Variants in HIKESHI observed in about 807,000 individuals in gnomAD.
HIKESHI encodes heat shock protein nuclear import factor hikeshi.
A neutral mutation model predicts 25.7 loss-of-function variants in HIKESHI; 13 were observed. The observed-to-expected ratio is 0.51, with a 90% confidence interval of 0.33 to 0.80. The LOEUF is 0.80. Among genes scored for constraint, HIKESHI ranks in the 30% least tolerant of loss-of-function variants. The pLI is 0.02. For synonymous variants in HIKESHI, 76 were observed against 78.7 expected, an observed-to-expected ratio of 0.97 and a Z score of 0.18; for missense variants, 174 against 229.5, an observed-to-expected ratio of 0.76 and a Z score of 1.56.
At chr11:86,303,791 T>G (rs291243) in intron 1 of HIKESHI, among the ~76,000 whole-genome samples, 2 of 152,078 alleles carry the variant, frequency 1.3e-5, no homozygotes, top group East Asian at 3.9e-4. Context: ...TTATCTAAAC[T>G]TATGAACCCA....
chr11:86,315,711 G>C (rs551209864), intron 2 of HIKESHI, among the ~76,000 whole-genome samples: 2 of 152,186 alleles, frequency 1.3e-5, no homozygotes, highest in Non-Finnish European at 2.9e-5. Flanking sequence ...ACTACTTACC[G>C]GAGGTAGTTG....
intron 2 of HIKESHI, chr11:86,323,904 T>C (rs1187456666): frequency 6.6e-6 from 1 of 152,246 alleles, no homozygotes; most frequent in Non-Finnish European, 1.5e-5. Flanking sequence ...CCCAGAGTAA[T>C]ACTTGATCCA....
At chr11:86,317,190 A>G (rs1947009272) in intron 2 of HIKESHI, among the ~76,000 whole-genome samples, 1 of 152,212 alleles carries the variant, frequency 6.6e-6, no homozygotes, top group Non-Finnish European at 1.5e-5. Context: ...CAGAAGTATT[A>G]TCAAGGATAA....
rs552106734 is a variant in HIKESHI at position 86,336,347 on chromosome 11, C to G, written c.269-1032C>G. Among the ~76,000 whole-genome samples the G allele has an allele frequency of 6.4e-4, 97 of 152,196 alleles. 1 individual carries two copies. The highest frequency in any genetic ancestry group is 2.3e-3 in the African/African-American group (94 of 41,522). ...TTTGTGTCTTTTTATATGATGAGGT[C>G]TTTTAAATTTATATGCTGAAATCCT... On this transcript the variant is annotated intron_variant, in intron 2 of 4. Transcript: ENST00000278483.
intron 3 of HIKESHI, among the ~76,000 whole-genome samples, chr11:86,338,332 T>A (rs988461454): frequency 6.6e-6 from 1 of 152,172 alleles, no homozygotes; most frequent in Admixed American, 6.5e-5. Flanking sequence ...AAATTGATGA[T>A]GTAGGAGAGC....
At chr11:86,341,197 A>C (rs1947717186) in intron 3 of HIKESHI, among the ~76,000 whole-genome samples, 1 of 152,224 alleles carries the variant, frequency 6.6e-6, no homozygotes, top group African/African-American at 2.4e-5. Context: ...CAACATGTAC[A>C]TACTTCTTTT....
intron 3 of HIKESHI, among the ~76,000 whole-genome samples, chr11:86,337,914 C>T (rs538764241): frequency 2.2e-4 from 33 of 152,176 alleles, no homozygotes; most frequent in Middle Eastern, 3.4e-3. Flanking sequence ...CTTCCTGCCT[C>T]GGCCTCCCAA....
At chr11:86,334,918 G>T (rs924962267) in intron 2 of HIKESHI, among the ~76,000 whole-genome samples, 20 of 152,206 alleles carry the variant, frequency 1.3e-4, no homozygotes, top group Non-Finnish European at 2.6e-4. Context: ...GGGATTACAG[G>T]ATATGAGCAA....
chr11:86,321,838 C>T (rs1395521859), intron 2 of HIKESHI, among the ~76,000 whole-genome samples: 3 of 152,052 alleles, frequency 2.0e-5, no homozygotes, highest in Non-Finnish European at 4.4e-5. Context: ...CCTTGTTTTA[C>T]ATTTCAACCA....
At chr11:86,326,149 T>C (rs977321764) in intron 2 of HIKESHI, among the ~76,000 whole-genome samples, 9 of 151,998 alleles carry the variant, frequency 5.9e-5, no homozygotes, top group Admixed American at 3.9e-4. Context: ...AATACAAAAA[T>C]TAGCTGGGTG....
intron 1 of HIKESHI, among the ~76,000 whole-genome samples, chr11:86,305,223 C>T (rs1565717175): frequency 1.3e-5 from 2 of 151,718 alleles, no homozygotes; most frequent in African/African-American, 2.4e-5. Context: ...TGGTCTTGAA[C>T]TCCTGAGCTC....
chr11:86,311,343 T>C lies in HIKESHI; in HGVS notation c.268+4861T>C, dbSNP rs542725755. The stretch of plus-strand genomic sequence containing the variant: ...TTTCTTCTAGATTTTCTAGTTTATT[T>C]GCGTAGAGGTGTTTATAGTATTCTT... On this transcript the variant is annotated intron_variant, in intron 2 of 4. Coordinates refer to ENST00000278483, the MANE Select transcript of HIKESHI (RefSeq NM_016401.4). Among the ~76,000 whole-genome samples, 9 of 152,362 alleles carry C rather than the reference T, an allele frequency of 5.9e-5. No individual in the cohort carries two copies. The South Asian group carries it at 1.0e-3, about 18-fold the overall frequency.
chr11:86,317,919 A>C (rs907872351), intron 2 of HIKESHI, among the ~76,000 whole-genome samples: 1 of 152,216 alleles, frequency 6.6e-6, no homozygotes. Context: ...TTATGCCAGT[A>C]CATTTGAAAT....
intron 3 of HIKESHI, chr11:86,344,360 G>T: frequency 2.7e-6 from 1 of 375,388 alleles, no homozygotes; most frequent in Non-Finnish European, 4.7e-6. Flanking sequence ...TTGACACAGG[G>T]CCTCACTATG....
chr11:86,303,841 CCTTTT>C (rs754795617), intron 1 of HIKESHI, among the ~76,000 whole-genome samples: 56 of 152,104 alleles, frequency 3.7e-4, no homozygotes, highest in Admixed American at 5.9e-4. Flanking sequence ...AAGAGATACA[CCTTTT>C]CTTAATGTCA....
chr11:86,329,573 TC>T (rs1379047298), intron 2 of HIKESHI, among the ~76,000 whole-genome samples: 196 of 73,830 alleles, frequency 2.7e-3, no homozygotes, highest in Non-Finnish European at 3.6e-3. Flanking sequence ...GCCTGTGATT[TC>T]TTTTTTTTTT....
chr11:86,315,827 G>A (rs1007316072), intron 2 of HIKESHI, among the ~76,000 whole-genome samples: 46 of 152,030 alleles, frequency 3.0e-4, no homozygotes, highest in African/African-American at 1.1e-3. Context: ...ACTTGATTGT[G>A]TAAAACAGCA....
intron 2 of HIKESHI, among the ~76,000 whole-genome samples, chr11:86,313,219 T>A (rs1256125549): frequency 6.6e-6 from 1 of 152,172 alleles, no homozygotes; most frequent in Non-Finnish European, 1.5e-5. Flanking sequence ...ATTTCCTTTT[T>A]AAAAATTTTT....
At chr11:86,305,078 C>T (rs1946587145) in intron 1 of HIKESHI, among the ~76,000 whole-genome samples, 1 of 152,222 alleles carries the variant, frequency 6.6e-6, no homozygotes, top group Non-Finnish European at 1.5e-5. Context: ...CGGCTTGCTG[C>T]AGCCTTGACA....
Sources: allele counts gnomAD v4.1 joint callset (sites outside exome capture counted in the v4.1 genomes callset), GRCh38; gene constraint gnomAD v4.1.1; transcripts MANE v1.5; gene names NCBI Gene and HGNC (gene_info 2026-07-23, HGNC 2026-07-21).